The following EPHB2 variants were observed in gnomAD, a reference collection of about 807,000 sequenced individuals.
The protein encoded by EPHB2 is EPH receptor B2.
In EPHB2, 18 loss-of-function variants were observed where a neutral mutation model predicts 96.4. That is an observed-to-expected ratio of 0.19 (90% CI 0.13 to 0.28). The LOEUF is 0.28. EPHB2 is among the 10% of genes least tolerant of loss of function. The probability of loss-of-function intolerance (pLI) is 1.00; values close to 1 mark genes in which losing one functional copy is unlikely to be tolerated. For synonymous variants in EPHB2, 506 were observed against 534.1 expected (o/e 0.95, Z 0.72); for missense variants, 989 against 1,355.4 (o/e 0.73, Z 4.25).
At chr1:22,791,508 A>C (rs1297070433) in intron 3 of EPHB2, among the ~76,000 whole-genome samples, 2 of 129,114 alleles carry the variant, frequency 1.5e-5, no homozygotes, top group African/African-American at 6.1e-5. Flanking sequence ...GAGAGACAGG[A>C]TCTCACTATG....
intron 1 of EPHB2, chr1:22,775,042 T>G (rs1644430399): frequency 4.6e-6 from 3 of 659,234 alleles, no homozygotes; most frequent in Admixed American, 4.4e-5. Flanking sequence ...ACTCCCCTGC[T>G]GCCCTCCTCC....
chr1:22,901,406 G>A (rs1639743230), intron 9 of EPHB2, among the ~76,000 whole-genome samples: 1 of 152,190 alleles, frequency 6.6e-6, no homozygotes. Context: ...TCACAAAGCA[G>A]CTGATTTGTG....
At chr1:22,799,558 G>A (rs568029591) in intron 3 of EPHB2, among the ~76,000 whole-genome samples, 62 of 152,314 alleles carry the variant, frequency 4.1e-4, no homozygotes, top group Middle Eastern at 3.4e-3. Context: ...GAGGTGTGTG[G>A]TCAGTAAATG....
At chr1:22,799,060 G>A (rs1445698480) in intron 3 of EPHB2, among the ~76,000 whole-genome samples, 1 of 152,104 alleles carries the variant, frequency 6.6e-6, no homozygotes, top group Non-Finnish European at 1.5e-5. Context: ...AACCAGCCAG[G>A]GTGCATTGAT....
At chr1:22,778,901 G>T (rs942532679) in intron 1 of EPHB2, among the ~76,000 whole-genome samples, 1 of 152,194 alleles carries the variant, frequency 6.6e-6, no homozygotes, top group Non-Finnish European at 1.5e-5. Context: ...TCAGTTCCTG[G>T]CCCCTCCTTC....
chr1:22,906,697 G>A lies in EPHB2; in HGVS notation c.1889-13G>A, dbSNP rs1183823437. On this transcript the variant is annotated splice_polypyrimidine_tract_variant and intron_variant, in intron 10 of 15. Coordinates refer to ENST00000374630, the MANE Select transcript of EPHB2 (RefSeq NM_017449.5). The surrounding 1 kb of genome is among the most constrained non-coding windows in gnomAD (Gnocchi z 4.8). ...CAAGTGACATCCTGTCTGTCTTGGT[G>A]TTTCTCTCTCAGGGGAGTTTGGCGA... 1 of 1,614,118 alleles carries A rather than the reference G, an allele frequency of 6.2e-7. No individual in the cohort carries two copies. The highest frequency in any genetic ancestry group is 8.5e-7 in the Non-Finnish European group (1 of 1,180,024).
At chr1:22,872,117 C>T (rs1638689770) in intron 5 of EPHB2, among the ~76,000 whole-genome samples, 1 of 152,046 alleles carries the variant, frequency 6.6e-6, no homozygotes, top group Non-Finnish European at 1.5e-5. Context: ...CGTTTTCTTG[C>T]TTAGAGGGGT....
chr1:22,907,106 C>A (rs533165264), intron 11 of EPHB2, 149 bp downstream of exon 11: 47 of 1,133,896 alleles, frequency 4.1e-5, no homozygotes, highest in Non-Finnish European at 5.3e-5. Context: ...TTCCCTTATC[C>A]ATGGCAGGCA....
Position 22,906,133 on chromosome 1 carries a change from G to A in EPHB2, c.1888+24G>A, listed in dbSNP as rs555039977. On this transcript the variant is annotated intron_variant, in intron 10 of 15. Transcript: ENST00000374630. This position sits in a 1 kb window ranked among gnomAD's most constrained non-coding sequence, Gnocchi z 4.8. ...AGGTAGGTGGCTGGTACTCTCACATGTACTATGACCTTAGCCATGGCTGGT... is the reference window on the plus strand; with the variant it reads ...AGGTAGGTGGCTGGTACTCTCACATATACTATGACCTTAGCCATGGCTGGT... 3 of 1,614,088 alleles carry A rather than the reference G, an allele frequency of 1.9e-6. No homozygotes were observed. The highest frequency in any genetic ancestry group is 2.7e-5 in the African/African-American group (2 of 75,026).
Position 22,784,756 on chromosome 1 carries a change from G to A in EPHB2, c.491G>A (p.Arg164Gln), listed in dbSNP as rs908259906. The A allele has an allele frequency of 8.7e-6, 14 of 1,611,414 alleles. No individual in the cohort carries two copies. The highest frequency in any genetic ancestry group is 1.2e-5 in the Non-Finnish European group (14 of 1,178,066). The change falls in exon 3 of 16, where the codon CGG becomes CAG. Residue 164 changes from arginine (R) to glutamine (Q), a missense_variant. Transcript: ENST00000374630. The surrounding 1 kb of genome is among the most constrained non-coding windows in gnomAD (Gnocchi z 5.1). ...GRVMKINTEV[R>Q]SFGPVSRSGF... ...GTCATGAAAATCAACACCGAGGTGC[G>A]GAGCTTCGGACCTGTGTCCCGCAGC...
intron 1 of EPHB2, among the ~76,000 whole-genome samples, chr1:22,769,376 A>G (rs1474112637): frequency 6.6e-6 from 1 of 152,132 alleles, no homozygotes; most frequent in African/African-American, 2.4e-5. Context: ...AGTCAGTGAT[A>G]GTATCTATTT....
chr1:22,747,340 G>A (rs1227365329), intron 1 of EPHB2, among the ~76,000 whole-genome samples: 4 of 152,322 alleles, frequency 2.6e-5, no homozygotes, highest in South Asian at 4.1e-4. Flanking sequence ...GTGCTTTTAC[G>A]GAGTTATATT....
chr1:22,815,511 G>A (rs1032754614), intron 3 of EPHB2, among the ~76,000 whole-genome samples: 4 of 152,202 alleles, frequency 2.6e-5, no homozygotes, highest in Non-Finnish European at 2.9e-5. Context: ...GTGGGGCTGG[G>A]CCCAGGATCA....
chr1:22,752,975 C>T (rs1004009145), intron 1 of EPHB2, among the ~76,000 whole-genome samples: 8 of 151,414 alleles, frequency 5.3e-5, no homozygotes, highest in Non-Finnish European at 1.0e-4. Flanking sequence ...GAGACAGGAT[C>T]TCACTATGTT....
chr1:22,787,306 TA>T (rs1425950595), intron 3 of EPHB2, among the ~76,000 whole-genome samples: 1 of 152,128 alleles, frequency 6.6e-6, no homozygotes, highest in African/African-American at 2.4e-5. Context: ...GCTGCATGAA[TA>T]AAGGCCTGGG....
intron 1 of EPHB2, among the ~76,000 whole-genome samples, chr1:22,746,130 A>T (rs1643971245): frequency 6.6e-6 from 1 of 152,162 alleles, no homozygotes; most frequent in African/African-American, 2.4e-5. Context: ...AGCCGTGGAA[A>T]GATCGCACCA....
intron 3 of EPHB2, among the ~76,000 whole-genome samples, chr1:22,830,857 A>G (rs1247123986): frequency 6.6e-6 from 1 of 152,154 alleles, no homozygotes; most frequent in East Asian, 1.9e-4. Flanking sequence ...ACCCTGCCTC[A>G]TATTCATTTC....
At chr1:22,911,123 A>T (rs1340082785) in intron 14 of EPHB2, among the ~76,000 whole-genome samples, 1 of 145,648 alleles carries the variant, frequency 6.9e-6, no homozygotes, top group Non-Finnish European at 1.5e-5. Context: ...CTGAGTGGCA[A>T]GAGTGAAACT....
At chr1:22,721,137 G>C (rs1643456467) in intron 1 of EPHB2, among the ~76,000 whole-genome samples, 1 of 152,194 alleles carries the variant, frequency 6.6e-6, no homozygotes, top group Admixed American at 6.5e-5. Context: ...GGAAGCATTA[G>C]AGGAAAAGAA....
Sources: gnomAD v4.1 joint callset for allele counts (sites outside exome capture counted in the v4.1 genomes callset) on GRCh38, gnomAD v4.1.1 for gene constraint, Gnocchi (gnomAD v3.1) non-coding constraint, MANE v1.5 for transcripts, NCBI Gene and HGNC (gene_info 2026-07-23, HGNC 2026-07-21) for gene names.